Variants in PRKAR1B observed in about 807,000 individuals in gnomAD.
The protein encoded by PRKAR1B is protein kinase cAMP-dependent type I regulatory subunit beta.
In PRKAR1B, 22 loss-of-function variants were observed where a neutral mutation model predicts 46.5. That is an observed-to-expected ratio of 0.47 (90% CI 0.34 to 0.68). The LOEUF (loss-of-function observed/expected upper bound fraction) is 0.68. Ranked by LOEUF, PRKAR1B falls within the 30% of genes least tolerant of loss-of-function variation. The probability of loss-of-function intolerance (pLI) is 0.01; values close to 1 mark genes in which losing one functional copy is unlikely to be tolerated. For synonymous variants in PRKAR1B, 259 were observed against 217.7 expected, an observed-to-expected ratio of 1.19 and a Z score of -1.67; for missense variants, 445 against 535.6, an observed-to-expected ratio of 0.83 and a Z score of 1.67.
chr7:664,423 T>G (rs1293340458), intron 4 of PRKAR1B, among the ~76,000 whole-genome samples: 2 of 152,154 alleles, frequency 1.3e-5, no homozygotes, highest in Non-Finnish European at 2.9e-5. Context: ...CCCGGGGCAG[T>G]GGGCCTTCCT....
intron 8 of PRKAR1B, among the ~76,000 whole-genome samples, chr7:580,406 AT>A (rs906969910): frequency 1.0e-4 from 15 of 144,560 alleles, no homozygotes; most frequent in Non-Finnish European, 1.5e-4. Context: ...TACAAAAAAA[AT>A]AATAATAATA....
intron 1 of PRKAR1B, chr7:712,596 C>T (rs918945434): frequency 7.3e-6 from 1 of 136,216 alleles, no homozygotes; most frequent in Non-Finnish European, 1.6e-5. Flanking sequence ...CCGTCTCCCC[C>T]CGACCGCCTC....
chr7:719,901 T>A (rs1176905027), intron 1 of PRKAR1B, among the ~76,000 whole-genome samples: 1 of 152,210 alleles, frequency 6.6e-6, no homozygotes, highest in East Asian at 1.9e-4. Flanking sequence ...TTCATCTGCA[T>A]AATCTTTTAG....
chr7:579,005 G>A (rs554503137), intron 9 of PRKAR1B: 38 of 983,844 alleles, frequency 3.9e-5, no homozygotes, highest in South Asian at 3.8e-4. Flanking sequence ...TTTATCACAC[G>A]TGCAGCTCAG....
chr7:636,377 TCCTCCACCGGCCGC>T (rs1784088897), intron 4 of PRKAR1B, among the ~76,000 whole-genome samples: 3 of 45,742 alleles, frequency 6.6e-5, no homozygotes, highest in South Asian at 9.0e-4. Context: ...CGCCCACACG[TCCTCCACCGGCCGC>T]GCCCTCACGT....
chr7:681,185 C>T (rs1287782360), intron 2 of PRKAR1B, among the ~76,000 whole-genome samples: 2 of 152,046 alleles, frequency 1.3e-5, no homozygotes, highest in Admixed American at 1.3e-4. Context: ...CCCCTGCTGC[C>T]TTCTGCTATG....
rs368603941 is a variant in PRKAR1B, at chr7:666,131, G to A, written c.440+11098C>T. On this transcript the variant is annotated intron_variant, in intron 4 of 10. Transcript: ENST00000537384. The surrounding 1 kb of genome is among the most constrained non-coding windows in gnomAD (Gnocchi z 4.9). ...GTTTCTCGGCTCCCAGGAGCTCAGCGATGCTCCCCCTACAGGCGCCCTAAT... is the reference window on the plus strand; with the variant it reads ...GTTTCTCGGCTCCCAGGAGCTCAGCAATGCTCCCCCTACAGGCGCCCTAAT... 1.3e-5 allele frequency among the ~76,000 whole-genome samples: 2 copies of A among 152,192 alleles called. No individual in the cohort carries two copies. The highest frequency in any genetic ancestry group is 2.9e-5 in the Non-Finnish European group (2 of 68,036).
chr7:649,301 G>A (rs533358042), intron 4 of PRKAR1B, among the ~76,000 whole-genome samples: 4 of 152,086 alleles, frequency 2.6e-5, no homozygotes, highest in Admixed American at 6.5e-5. Context: ...AATTTAAAAC[G>A]TATCTTAATA....
At chr7:551,556 C>T in intron 9 of PRKAR1B, 86 bp from the exon 10 acceptor site, 1 of 1,314,496 alleles carries the variant, frequency 7.6e-7, no homozygotes, top group Non-Finnish European at 1.1e-6. Context: ...CAGGGGGTCA[C>T]CACCCAAACC....
At chr7:571,171 A>T (rs1779488989) in intron 9 of PRKAR1B, among the ~76,000 whole-genome samples, 1 of 152,144 alleles carries the variant, frequency 6.6e-6, no homozygotes, top group African/African-American at 2.4e-5. Flanking sequence ...ACCACGAGTA[A>T]GCAGCAACGC....
intron 1 of PRKAR1B, chr7:712,489 AGCGGGTCCCCGCACTGCAGCGGC>A (rs1476715372): frequency 6.8e-6 from 1 of 146,264 alleles, no homozygotes; most frequent in Non-Finnish European, 1.5e-5. Flanking sequence ...CGAGCGAGCG[AGCGGGTCCCCGCACTGCAGCGGC>A]GCCGCCCTCC....
chr7:617,191 C>T (rs1387998321), intron 4 of PRKAR1B, among the ~76,000 whole-genome samples: 4 of 151,878 alleles, frequency 2.6e-5, no homozygotes, highest in Admixed American at 1.3e-4. Context: ...ACAGGGGTTT[C>T]ACCATGTTGG....
chr7:642,882 A>C (rs545946749), intron 4 of PRKAR1B, among the ~76,000 whole-genome samples: 1 of 151,644 alleles, frequency 6.6e-6, no homozygotes, highest in Admixed American at 6.6e-5. Context: ...CGTGGGTCGC[A>C]GTCATCTGTC....
chr7:673,045 TAAAAAAAAAAAAAAAAAAA>T (rs992683667), intron 4 of PRKAR1B, among the ~76,000 whole-genome samples: 2 of 26,544 alleles, frequency 7.5e-5, no homozygotes, highest in African/African-American at 2.9e-4. Context: ...GCCTTGTCTT[TAAAAAAAAAAAAAAAAAAA>T]AAAAAAAAAA....
At chr7:662,503 T>A (rs1035588213) in intron 4 of PRKAR1B, among the ~76,000 whole-genome samples, 1 of 66,070 alleles carries the variant, frequency 1.5e-5, no homozygotes, top group Admixed American at 1.9e-4. Flanking sequence ...ATGCCACAGG[T>A]CCCCACCCCA....
intron 2 of PRKAR1B, among the ~76,000 whole-genome samples, chr7:687,938 A>AT (rs1779183267): frequency 6.6e-6 from 1 of 151,252 alleles, no homozygotes; most frequent in African/African-American, 2.4e-5. Flanking sequence ...TCTACCAAAA[A>AT]TACAAAAATT....
At chr7:688,729 C>T (rs1473615515) in intron 2 of PRKAR1B, among the ~76,000 whole-genome samples, 3 of 152,188 alleles carry the variant, frequency 2.0e-5, no homozygotes, top group Non-Finnish European at 2.9e-5. Flanking sequence ...TCCTCCCCCT[C>T]CAGAGCTCTG....
chr7:607,316 A>C lies in PRKAR1B; in HGVS notation c.502+75T>G, dbSNP rs1351606184. On this transcript the variant is annotated intron_variant, in intron 5 of 10. Coordinates refer to ENST00000537384, the MANE Select transcript of PRKAR1B (RefSeq NM_001164760.2). Reference sequence around the variant, plus strand: ...GGCGTGGGCCATCGTGCCTGCCCTTATGCTATTTTTTTTTTAAGTGCATAG... The same window carrying C: ...GGCGTGGGCCATCGTGCCTGCCCTTCTGCTATTTTTTTTTTAAGTGCATAG... 3.5e-6 allele frequency: 5 copies of C among 1,432,282 alleles called. No homozygotes were observed. The African/African-American group carries it at 7.1e-5, about 20-fold the overall frequency. 88.7% of individuals were successfully genotyped at this position (1,432,282 alleles called of 1,614,324 possible). A position where few individuals can be genotyped will look rare whatever the true frequency, so the allele number is the denominator to read the frequency against.
intron 4 of PRKAR1B, among the ~76,000 whole-genome samples, chr7:624,117 G>A (rs1783253924): frequency 6.6e-6 from 1 of 152,192 alleles, no homozygotes; most frequent in South Asian, 2.1e-4. Flanking sequence ...TTAGGTTGGT[G>A]ACAGCAAACT....
Sources: gnomAD v4.1 joint callset for allele counts (sites outside exome capture counted in the v4.1 genomes callset) on GRCh38, gnomAD v4.1.1 for gene constraint, Gnocchi (gnomAD v3.1) non-coding constraint, MANE v1.5 for transcripts, NCBI Gene and HGNC (gene_info 2026-07-23, HGNC 2026-07-21) for gene names.